NUBP1: variants seen among roughly 807,000 people sequenced by gnomAD.
The protein encoded by NUBP1 is cytosolic Fe-S cluster assembly factor NUBP1.
Under a neutral mutation model 41.8 loss-of-function variants are expected in NUBP1, and 46 were observed. The observed-to-expected ratio is 1.10, with a 90% CI of 0.87 to 1.41. The LOEUF is 1.41. Among genes scored for constraint, NUBP1 ranks in the 40% most tolerant of loss-of-function variants. NUBP1 has a pLI of 0.00. For missense variants in NUBP1, 494 were observed against 414.0 expected, an observed-to-expected ratio of 1.19 and a Z score of -1.68; for synonymous variants, 189 against 154.6, an observed-to-expected ratio of 1.22 and a Z score of -1.65.
chr16:10,767,950 T>TAAGA lies in NUBP1; in HGVS notation c.824_827dup (p.Asn276LysfsTer4). On this transcript the variant is annotated frameshift_variant and splice_region_variant, in exon 10 of 11. Transcript: ENST00000283027. LOFTEE classifies it high-confidence loss of function. The surrounding 1 kb of genome is among the most constrained non-coding windows in gnomAD (Gnocchi z 4.6). The stretch of plus-strand genomic sequence containing the variant: ...TCTTCCGTTTGTTTCTTTTTTAAGG[T>TAAGA]AAGAATTGTGACAAAGGCCAGTCTT... 9 of 1,614,096 alleles carry TAAGA rather than the reference T, an allele frequency of 5.6e-6. No homozygotes were observed. The highest frequency in any genetic ancestry group is 5.9e-6 in the Non-Finnish European group (7 of 1,179,968).
intron 6 of NUBP1, 133 bp downstream of exon 6, chr16:10,756,913 CTCTT>C (rs1900597707): frequency 4.7e-6 from 3 of 635,890 alleles, no homozygotes; most frequent in Non-Finnish European, 8.0e-6. Flanking sequence ...CATCCAGTGC[CTCTT>C]TCTTCACTGG....
rs947518754 is a variant in NUBP1 at position 10,749,416 on chromosome 16, C to T, written c.258+2140C>T. Among the ~76,000 whole-genome samples, 3 of 152,132 alleles carry T rather than the reference C, an allele frequency of 2.0e-5. No individual in the cohort carries two copies. The highest frequency in any genetic ancestry group is 7.2e-5 in the African/African-American group (3 of 41,396). ...TACATCCTTCACTTTCATGTAATTACGTTCTGAAGTCTTTGCTGCATGCCT... is the reference window on the plus strand; with the variant it reads ...TACATCCTTCACTTTCATGTAATTATGTTCTGAAGTCTTTGCTGCATGCCT... On this transcript the variant is annotated intron_variant, in intron 3 of 10. Coordinates refer to ENST00000283027, the MANE Select transcript of NUBP1 (RefSeq NM_002484.4). This position sits in a 1 kb window ranked among gnomAD's most constrained non-coding sequence, Gnocchi z 4.1.
chr16:10,755,557 C>T lies in NUBP1; in HGVS notation c.328-164C>T, dbSNP rs983237749. On this transcript the variant is annotated intron_variant, in intron 4 of 10. Transcript: ENST00000283027. Reference sequence around the variant, plus strand: ...AGTTGAGTTGCATCTTTATTACCCACGCCCTAGCTGTTCACCTCCTTTTAG... The same window carrying T: ...AGTTGAGTTGCATCTTTATTACCCATGCCCTAGCTGTTCACCTCCTTTTAG... 2.6e-5 allele frequency among the ~76,000 whole-genome samples: 4 copies of T among 152,316 alleles called. 1 individual carries two copies. The highest frequency in any genetic ancestry group is 2.1e-4 in the South Asian group (1 of 4,830).
At chr16:10,756,810 AC>A (rs773486004) in intron 6 of NUBP1, 30 bp downstream of exon 6, 1 of 1,564,244 alleles carries the variant, frequency 6.4e-7, no homozygotes, top group African/African-American at 1.4e-5. Context: ...TTTGTCTCTC[AC>A]ATTCTTCCAC....
At chr16:10,747,407 G>A in intron 3 of NUBP1, 131 bp downstream of exon 3, 6 of 1,219,328 alleles carry the variant, frequency 4.9e-6, no homozygotes, top group Non-Finnish European at 6.8e-6. Context: ...GCCAAGGCGG[G>A]CAGATCACTT....
intron 9 of NUBP1, among the ~76,000 whole-genome samples, chr16:10,764,187 C>T (rs563696710): frequency 6.6e-6 from 1 of 151,976 alleles, no homozygotes; most frequent in South Asian, 2.1e-4. Context: ...CGGGAGCATC[C>T]CAGCCCGAAG....
chr16:10,754,323 A>C (rs1900457325), intron 4 of NUBP1, among the ~76,000 whole-genome samples: 1 of 151,440 alleles, frequency 6.6e-6, no homozygotes, highest in South Asian at 2.1e-4. Context: ...GCTCACCACA[A>C]CCTCCGCCTC....
At chr16:10,743,926 G>A in intron 1 of NUBP1, 35 bp from the exon 2 acceptor site, 1 of 1,583,916 alleles carries the variant, frequency 6.3e-7, no homozygotes, top group Non-Finnish European at 8.6e-7. Context: ...GAAAGTGTCG[G>A]GAGCTGCTCT....
rs1216779120 is a variant in NUBP1 at position 10,757,662 on chromosome 16, C to T, written c.452-211C>T. Reference sequence around the variant, plus strand: ...GCATAGACCAAAGGCACAAAAAGATCAGATCATGCTTCTCCGTGAGCTGGG... The same window carrying T: ...GCATAGACCAAAGGCACAAAAAGATTAGATCATGCTTCTCCGTGAGCTGGG... On this transcript the variant is annotated intron_variant, in intron 6 of 10. Coordinates refer to ENST00000283027, the MANE Select transcript of NUBP1 (RefSeq NM_002484.4). The surrounding 1 kb of genome is among the most constrained non-coding windows in gnomAD (Gnocchi z 4.1). Among the ~76,000 whole-genome samples the T allele has an allele frequency of 6.6e-6, 1 of 152,158 alleles. No individual in the cohort carries two copies. Among genetic ancestry groups the T allele is most frequent in the African/African-American group, 2.4e-5 (1 of 41,444 alleles).
chr16:10,767,057 G>C lies in NUBP1; in HGVS notation c.821-892G>C, dbSNP rs2030987950. The C allele has an allele frequency of 1.0e-5, 4 of 398,734 alleles. No individual in the cohort carries two copies. The highest frequency in any genetic ancestry group is 1.8e-5 in the Non-Finnish European group (4 of 226,130). The allele number at this position is 398,734 out of a possible 1,614,324, so 24.7% of individuals were successfully genotyped here. On this transcript the variant is annotated intron_variant, in intron 9 of 10. Coordinates refer to ENST00000283027, the MANE Select transcript of NUBP1 (RefSeq NM_002484.4). The surrounding 1 kb of genome is among the most constrained non-coding windows in gnomAD (Gnocchi z 4.6). ...GACACAGTAGTGAAGTTGAGGAAAT[G>C]ATGAGTGCTAGGTAGGAACCCCTCC...
chr16:10,747,550 G>A (rs748357786), intron 3 of NUBP1, among the ~76,000 whole-genome samples: 30 of 152,212 alleles, frequency 2.0e-4, no homozygotes, highest in African/African-American at 6.8e-4. Context: ...CATGAGAATC[G>A]CTTGAGCCCA....
intron 9 of NUBP1, among the ~76,000 whole-genome samples, chr16:10,764,088 GGGAGTATCTCAGCCCACA>G (rs372557317): frequency 2.2e-4 from 34 of 151,530 alleles, no homozygotes; most frequent in African/African-American, 7.5e-4. Flanking sequence ...CCCAGCCCAA[GGGAGTATCTCAGCCCACA>G]GGAGTATCTC....
chr16:10,764,848 T>TCA (rs58740091), intron 9 of NUBP1, among the ~76,000 whole-genome samples: 1,552 of 29,190 alleles, frequency 0.053, 160 homozygotes, highest in South Asian at 0.11. Flanking sequence ...TTGGAGCATC[T>TCA]GTCTGCTGGA....
chr16:10,761,471 C>G lies in NUBP1; in HGVS notation c.714C>G (p.Cys238Trp), dbSNP rs1339049874. 1 of 1,613,210 alleles carries G rather than the reference C, an allele frequency of 6.2e-7. No homozygotes were observed. Among genetic ancestry groups the G allele is most frequent in the Non-Finnish European group, 8.5e-7 (1 of 1,179,406 alleles). The change falls in exon 8 of 11, where the codon TGC (cysteine) becomes TGG (tryptophan). Residue 238 changes from cysteine to tryptophan, a missense_variant. By Grantham distance (215) the Cys-to-Trp change is radical. Coordinates refer to ENST00000283027, the MANE Select transcript of NUBP1 (RefSeq NM_002484.4). ...TGAGTGGCTTCATCTGTCCTAAGTG[C>G]AAGGTGAGGGCGCGTGGGGCTGCCA... The part of the protein sequence containing the change: ...ENMSGFICPK[C>W]KKESQIFPPT...
Position 10,767,773 on chromosome 16 carries a change from C to G in NUBP1, c.821-176C>G. 1.6e-6 allele frequency: 1 copy of G among 608,492 alleles called. No homozygotes were observed. The highest frequency in any genetic ancestry group is 2.8e-5 in the East Asian group (1 of 35,386). The allele number at this position is 608,492 out of a possible 1,614,324, so 37.7% of individuals were successfully genotyped here. On this transcript the variant is annotated intron_variant, in intron 9 of 10. Transcript: ENST00000283027. This position sits in a 1 kb window ranked among gnomAD's most constrained non-coding sequence, Gnocchi z 4.6. ...CCACGCTGAAATGCTGGCTGGGGAC[C>G]CTGCTGGAAGGAAGGTCCCTGAGAC... is the stretch of plus-strand genomic sequence containing the variant.
chr16:10,752,678 G>A lies in NUBP1; in HGVS notation c.327G>A (p.Gln109=). The stretch of plus-strand genomic sequence containing the variant: ...AGATAATGGGATTGGAAGGAGAGCA[G>A]GTAATAGCCGGTTACAGAACTCAGG... ...IPKIMGLEGE[Q]VHQSGSGWSP... Residue 109 remains glutamine, a splice_region_variant and synonymous_variant, in exon 4 of 11, where the codon CAG becomes CAA. Transcript: ENST00000283027. 1.9e-6 allele frequency: 3 copies of A among 1,613,094 alleles called. No homozygotes were observed. Among genetic ancestry groups the A allele is most frequent in the Non-Finnish European group, 2.5e-6 (3 of 1,179,142 alleles).
At chr16:10,751,029 T>C (rs1470205988) in intron 3 of NUBP1, among the ~76,000 whole-genome samples, 1 of 152,176 alleles carries the variant, frequency 6.6e-6, no homozygotes, top group Non-Finnish European at 1.5e-5. Context: ...ACAGGAAGTC[T>C]GAACAGACAG....
intron 2 of NUBP1, among the ~76,000 whole-genome samples, chr16:10,745,446 C>A (rs373262074): frequency 2.2e-4 from 34 of 151,632 alleles, no homozygotes; most frequent in Middle Eastern, 3.4e-3. Context: ...CAGAGTGAGA[C>A]CCTGTCTCAA....
chr16:10,766,017 A>T lies in NUBP1; in HGVS notation c.821-1932A>T, dbSNP rs1596477797. ...CACGCATCTGGCAAGGTCACTGGGG[A>T]CAGAGTGGGGGAAAACCCACCTTCC... On this transcript the variant is annotated intron_variant, in intron 9 of 10. Coordinates refer to ENST00000283027, the MANE Select transcript of NUBP1 (RefSeq NM_002484.4). The surrounding 1 kb of genome is among the most constrained non-coding windows in gnomAD (Gnocchi z 4.8). The T allele has an allele frequency of 6.6e-6, 1 of 152,520 alleles. No individual in the cohort carries two copies. Among genetic ancestry groups the T allele is most frequent in the African/African-American group, 2.4e-5 (1 of 41,588 alleles). The allele number at this position is 152,520 out of a possible 1,614,324, so 9.4% of individuals were successfully genotyped here.
Sources: allele counts gnomAD v4.1 joint callset (sites outside exome capture counted in the v4.1 genomes callset), GRCh38; gene constraint gnomAD v4.1.1; non-coding constraint Gnocchi (gnomAD v3.1); transcripts MANE v1.5; gene names NCBI Gene and HGNC (gene_info 2026-07-23, HGNC 2026-07-21).